LPP: variants seen among roughly 807,000 people sequenced by gnomAD.
LPP encodes lipoma-preferred partner.
Under a neutral mutation model 60.4 loss-of-function variants are expected in LPP, and 38 were observed. That is an observed-to-expected ratio of 0.63 (90% CI 0.49 to 0.83). LPP has a LOEUF of 0.83. Ranked by LOEUF, LPP falls within the 40% of genes least tolerant of loss-of-function variation. LPP has a pLI of 0.00. For synonymous variants in LPP, 328 were observed against 290.8 expected, an observed-to-expected ratio of 1.13 and a Z score of -1.30; for missense variants, 902 against 783.6, an observed-to-expected ratio of 1.15 and a Z score of -1.80.
At chr3:188,636,597 G>GGGGCCCA (rs2148657468) in intron 7 of LPP, among the ~76,000 whole-genome samples, 1 of 152,286 alleles carries the variant, frequency 6.6e-6, no homozygotes, top group African/African-American at 2.4e-5. Context: ...TCCAGCTCTG[G>GGGGCCCA]GGGCCCAGGG....
intron 8 of LPP, among the ~76,000 whole-genome samples, chr3:188,737,366 T>G (rs1234875879): frequency 6.6e-6 from 1 of 152,086 alleles, no homozygotes; most frequent in Non-Finnish European, 1.5e-5. Flanking sequence ...GCTCAAAGAT[T>G]TTATGAGCCA....
At chr3:188,593,322 C>G (rs772314652) in intron 6 of LPP, among the ~76,000 whole-genome samples, 21 of 152,020 alleles carry the variant, frequency 1.4e-4, no homozygotes, top group South Asian at 6.2e-4. Context: ...TCTCTCTTCT[C>G]TCTCCCTCTC....
chr3:188,697,427 G>C (rs890089077), intron 7 of LPP, among the ~76,000 whole-genome samples: 13 of 152,188 alleles, frequency 8.5e-5, no homozygotes, highest in Admixed American at 6.5e-4. Context: ...TGTTATTTCA[G>C]TGTCTTGTGT....
intron 2 of LPP, among the ~76,000 whole-genome samples, chr3:188,294,597 A>G (rs1171926067): frequency 6.6e-6 from 1 of 152,210 alleles, no homozygotes; most frequent in Non-Finnish European, 1.5e-5. Flanking sequence ...AGCTTTAAAA[A>G]TTTATACTTT....
intron 6 of LPP, among the ~76,000 whole-genome samples, chr3:188,561,979 A>AGTTGGCAGTGT (rs1830794709): frequency 1.3e-4 from 19 of 151,986 alleles, no homozygotes; most frequent in Admixed American, 1.2e-3. Context: ...GTTGGCGTTA[A>AGTTGGCAGTGT]GGTTGAGAAG....
chr3:188,266,244 C>T (rs1015256125), intron 2 of LPP, among the ~76,000 whole-genome samples: 10 of 152,132 alleles, frequency 6.6e-5, no homozygotes, highest in African/African-American at 1.9e-4. Context: ...GTTCCAAGCA[C>T]ATTAGTCACA....
chr3:188,390,117 C>T (rs992659384), intron 3 of LPP, among the ~76,000 whole-genome samples: 2 of 152,172 alleles, frequency 1.3e-5, no homozygotes, highest in South Asian at 4.1e-4. Context: ...TTTCTTGGAG[C>T]TGTGTCTCCG....
intron 8 of LPP, among the ~76,000 whole-genome samples, chr3:188,743,153 T>C (rs936708699): frequency 2.2e-4 from 33 of 152,202 alleles, no homozygotes; most frequent in Non-Finnish European, 5.9e-5. Context: ...GAAATATCTT[T>C]ATAGAACTTT....
chr3:188,756,383 C>T (rs1183571008), intron 8 of LPP, among the ~76,000 whole-genome samples: 1 of 152,124 alleles, frequency 6.6e-6, no homozygotes, highest in Non-Finnish European at 1.5e-5. Context: ...TCACACCAGC[C>T]CTGGGTCTGA....
chr3:188,418,418 CTG>C (rs751253598), intron 4 of LPP, among the ~76,000 whole-genome samples: 2 of 152,086 alleles, frequency 1.3e-5, no homozygotes, highest in Non-Finnish European at 2.9e-5. Context: ...TCTAGCTACT[CTG>C]TAAAAAAGTT....
chr3:188,390,085 A>G (rs928476576), intron 3 of LPP, among the ~76,000 whole-genome samples: 1 of 152,152 alleles, frequency 6.6e-6, no homozygotes, highest in African/African-American at 2.4e-5. Context: ...GACTGTTATT[A>G]TTACAGAGGT....
At chr3:188,373,164 C>T (rs926692657) in intron 3 of LPP, among the ~76,000 whole-genome samples, 1 of 152,162 alleles carries the variant, frequency 6.6e-6, no homozygotes, top group Non-Finnish European at 1.5e-5. Flanking sequence ...CCGCTATAAA[C>T]ATACGTGTGC....
At position 188,843,281 on chromosome 3, in the gene LPP, A is replaced by T. The variant is rs144370561; in HGVS notation, c.1411-22919A>T. 7.2e-5 allele frequency among the ~76,000 whole-genome samples: 11 copies of T among 152,254 alleles called. No individual in the cohort carries two copies. In the East Asian group the frequency reaches 1.9e-3, roughly 27 times the overall value. On this transcript the variant is annotated intron_variant, in intron 9 of 11. Transcript: ENST00000617246. ...TGGACCTTTGCTTCTCACAGCAGTC[A>T]TTTATTCCTCCACTTTTTCTACTAG...
intron 2 of LPP, among the ~76,000 whole-genome samples, chr3:188,259,667 G>T (rs1332967345): frequency 1.3e-5 from 2 of 152,160 alleles, no homozygotes; most frequent in Non-Finnish European, 2.9e-5. Flanking sequence ...AATATTGTAG[G>T]CATTTCCTAA....
At chr3:188,843,714 G>C (rs933837382) in intron 9 of LPP, among the ~76,000 whole-genome samples, 9 of 146,894 alleles carry the variant, frequency 6.1e-5, no homozygotes, top group Non-Finnish European at 1.2e-4. Context: ...GTGAACCCGG[G>C]AGGCGGAGCT....
At chr3:188,390,444 A>T (rs1779420457) in intron 3 of LPP, among the ~76,000 whole-genome samples, 1 of 151,872 alleles carries the variant, frequency 6.6e-6, no homozygotes, top group African/African-American at 2.4e-5. Flanking sequence ...AAATGCTCTT[A>T]CGTTTAGTAT....
chr3:188,804,958 A>G (rs1023366271), intron 9 of LPP, among the ~76,000 whole-genome samples: 1 of 152,196 alleles, frequency 6.6e-6, no homozygotes, highest in East Asian at 1.9e-4. Context: ...TATGATAATA[A>G]GACTTTTGTT....
rs1176582215 is a variant in LPP, at chr3:188,887,660, A to T, written c.*13181A>T. 1 of 212,838 alleles carries T rather than the reference A, an allele frequency of 4.7e-6. No individual in the cohort carries two copies. Among genetic ancestry groups the T allele is most frequent in the Non-Finnish European group, 9.5e-6 (1 of 105,190 alleles). The allele number at this position is 212,838 out of a possible 1,614,324, so 13.2% of individuals were successfully genotyped here. ...TAAAGTGCCTTGGTCCTCCCTCTGTAGGCAGCAAATTGAAACTAACATGGG... is the reference window on the plus strand; with the variant it reads ...TAAAGTGCCTTGGTCCTCCCTCTGTTGGCAGCAAATTGAAACTAACATGGG... On this transcript the variant is annotated 3_prime_UTR_variant, in exon 12 of 12. Transcript: ENST00000617246.
rs528080210 is a variant in LPP, at chr3:188,633,757, A to G, written c.1113+23913A>G. ...TTGAAAGTACATCTATATATCATCTATATATCATTCATATCATTCTTCAAG... is the reference window on the plus strand; with the variant it reads ...TTGAAAGTACATCTATATATCATCTGTATATCATTCATATCATTCTTCAAG... On this transcript the variant is annotated intron_variant, in intron 7 of 11. Transcript: ENST00000617246. 9.8e-4 allele frequency among the ~76,000 whole-genome samples: 150 copies of G among 152,352 alleles called. No individual in the cohort carries two copies. The Middle Eastern group carries it at 0.017, about 17-fold the overall frequency.
Sources: gnomAD v4.1 joint callset for allele counts (sites outside exome capture counted in the v4.1 genomes callset) on GRCh38, gnomAD v4.1.1 for gene constraint, MANE v1.5 for transcripts, NCBI Gene and HGNC (gene_info 2026-07-23, HGNC 2026-07-21) for gene names.